JUP: variants seen among roughly 807,000 people sequenced by gnomAD.
JUP encodes the protein catenin (cadherin-associated protein), gamma 80kDa.
JUP carries 28 observed loss-of-function variants against 71.1 expected under a neutral mutation model. The ratio of observed to expected loss-of-function variants is 0.39; its 90% CI spans 0.29 to 0.54. The LOEUF (loss-of-function observed/expected upper bound fraction) is 0.54, where lower values mean the gene tolerates loss of function less well. Ranked by LOEUF, JUP falls within the 20% of genes least tolerant of loss-of-function variation. The probability of loss-of-function intolerance (pLI) is 0.62; values close to 1 mark genes in which losing one functional copy is unlikely to be tolerated. For synonymous variants in JUP, 401 were observed against 438.9 expected (o/e 0.91, Z 1.08); for missense variants, 869 against 1,030.1 (o/e 0.84, Z 2.14).
rs1454538099 is a variant in JUP at position 41,759,011 on chromosome 17, AAGG to A, written c.1498-144_1498-142del. 6.0e-6 allele frequency: 5 copies of A among 826,474 alleles called. No individual in the cohort carries two copies. In the East Asian group the frequency reaches 8.1e-5, roughly 13 times the overall value. The allele number at this position is 826,474 out of a possible 1,614,324, so 51.2% of individuals were successfully genotyped here. A position where few individuals can be genotyped will look rare whatever the true frequency, so the allele number is the denominator to read the frequency against. On this transcript the variant is annotated intron_variant, in intron 8 of 13. Coordinates refer to ENST00000393931, the MANE Select transcript of JUP (RefSeq NM_002230.4). ...CAGACATACTGGAAAATATCCAGAG[AAGG>A]AGACCATCCCAGCCATGTCACTTAA...
rs2046993669 is a variant in JUP at position 41,778,541 on chromosome 17, C to T, written c.-8-6679G>A. On this transcript the variant is annotated intron_variant, in intron 1 of 13. Transcript: ENST00000393931. ...GAGATCTGCACTCCAGCCTGGGCAA[C>T]ACAGTGAGACCCCATCTCAAAAAAA... 3.5e-5 allele frequency among the ~76,000 whole-genome samples: 5 copies of T among 142,884 alleles called. No homozygotes were observed. The South Asian group carries it at 9.3e-4, about 27-fold the overall frequency. The allele number at this position is 142,884 out of a possible 152,430, so 93.7% of individuals were successfully genotyped here. A position where few individuals can be genotyped will look rare whatever the true frequency, so the allele number is the denominator to read the frequency against.
At position 41,754,616 on chromosome 17, in the gene JUP, G is replaced by A. The variant is rs1567796200; in HGVS notation, c.*1128C>T. The A allele has an allele frequency of 6.6e-6, 1 of 152,596 alleles. No homozygotes were observed. The highest frequency in any genetic ancestry group is 1.9e-4 in the East Asian group (1 of 5,194). 9.5% of individuals were successfully genotyped at this position (152,596 alleles called of 1,614,324 possible). A position where few individuals can be genotyped will look rare whatever the true frequency, so the allele number is the denominator to read the frequency against. The stretch of plus-strand genomic sequence containing the variant: ...CCTAAACAGCCTCCAACGCATCTGT[G>A]TTATTTTTATTTTCTTTGCTTTGGT... On this transcript the variant is annotated 3_prime_UTR_variant, in exon 14 of 14. Coordinates refer to ENST00000393931, the MANE Select transcript of JUP (RefSeq NM_002230.4).
chr17:41,763,370 G>A, intron 7 of JUP, 49 bp from the exon 8 acceptor site: 1 of 1,426,404 alleles, frequency 7.0e-7, no homozygotes, highest in South Asian at 1.2e-5. Flanking sequence ...CCAACTCCAG[G>A]GAGCCTTCTC....
chr17:41,769,358 A>G, intron 3 of JUP, 60 bp downstream of exon 3: 2 of 1,581,902 alleles, frequency 1.3e-6, no homozygotes, highest in Non-Finnish European at 1.7e-6. Flanking sequence ...CCCTCCCCTG[A>G]GGACATCTGC....
chr17:41,775,424 G>A (rs1285079317), intron 1 of JUP, among the ~76,000 whole-genome samples: 2 of 152,212 alleles, frequency 1.3e-5, no homozygotes, highest in Non-Finnish European at 2.9e-5. Context: ...CTGCCCAGGA[G>A]AACAAAGGAA....
chr17:41,768,420 G>A (rs1385892307), intron 4 of JUP, among the ~76,000 whole-genome samples: 1 of 151,114 alleles, frequency 6.6e-6, no homozygotes, highest in African/African-American at 2.4e-5. Flanking sequence ...AAAATAGCTA[G>A]GTATGGTGGC....
intron 1 of JUP, among the ~76,000 whole-genome samples, chr17:41,784,237 A>C (rs548048913): frequency 2.7e-5 from 4 of 149,598 alleles, no homozygotes; most frequent in Non-Finnish European, 5.9e-5. Flanking sequence ...TATGCACTGC[A>C]TTCTCAAAGC....
In JUP at chr17:41,758,317, G is replaced by A. The variant is rs1914210409; in HGVS notation, c.1773+82C>T. Reference sequence around the variant, plus strand: ...CAAAGACCTCTTGATACCTGGTCCAGGCCTCCCAAATCTGGGACTCCTAAC... The same window carrying A: ...CAAAGACCTCTTGATACCTGGTCCAAGCCTCCCAAATCTGGGACTCCTAAC... On this transcript the variant is annotated intron_variant, in intron 10 of 13. Coordinates refer to ENST00000393931, the MANE Select transcript of JUP (RefSeq NM_002230.4). 6 of 1,585,214 alleles carry A rather than the reference G, an allele frequency of 3.8e-6. No individual in the cohort carries two copies. The Admixed American group carries it at 8.4e-5, about 22-fold the overall frequency.
At chr17:41,785,269 A>G (rs1555611469) in intron 1 of JUP, 2 of 151,656 alleles carry the variant, frequency 1.3e-5, no homozygotes, top group Non-Finnish European at 2.9e-5. Context: ...CAAAAAAAAA[A>G]AGACAAGAAC....
intron 1 of JUP, among the ~76,000 whole-genome samples, chr17:41,784,577 A>C (rs1313913166): frequency 6.6e-6 from 1 of 152,174 alleles, no homozygotes; most frequent in Non-Finnish European, 1.5e-5. Context: ...GAGGGAAAGC[A>C]GGTTATTTTT....
rs397517300 is a variant in JUP, at chr17:41,769,535, G to T, written c.351C>A (p.Ala117=). Reference sequence around the variant, plus strand: ...CCGACTTGAGCAGCTGGGACGGCTCGGCCAGTCGCTGCAGGTTGGTGGCCT... The same window carrying T: ...CCGACTTGAGCAGCTGGGACGGCTCTGCCAGTCGCTGCAGGTTGGTGGCCT... ...EGQATNLQRL[A]EPSQLLKSAI... The change falls in exon 3 of 14, where the codon GCC becomes GCA. Residue 117 remains alanine (A), a synonymous_variant. Transcript: ENST00000393931. 6.2e-7 allele frequency: 1 copy of T among 1,610,314 alleles called. No individual in the cohort carries two copies. Among genetic ancestry groups the T allele is most frequent in the Non-Finnish European group, 8.5e-7 (1 of 1,178,950 alleles).
chr17:41,772,182 T>G (rs1916766701), intron 1 of JUP: 40 of 449,252 alleles, frequency 8.9e-5, no homozygotes, highest in South Asian at 8.0e-4. Flanking sequence ...CAGAAGCCCC[T>G]GCTCACGCAC....
rs1453378635 is a variant in JUP at position 41,755,125 on chromosome 17, C to T, written c.*619G>A. ...CCCAGAGAAGGAACCAAAGCCCTTC[C>T]GGGCCCAGGCAGCTGGAGACAGGGA... On this transcript the variant is annotated 3_prime_UTR_variant, in exon 14 of 14. Transcript: ENST00000393931. The T allele has an allele frequency of 1.3e-5, 5 of 397,284 alleles. No homozygotes were observed. Among genetic ancestry groups the T allele is most frequent in the East Asian group, 3.6e-5 (1 of 28,002 alleles). The allele number at this position is 397,284 out of a possible 1,614,324, so 24.6% of individuals were successfully genotyped here.
At position 41,754,879 on chromosome 17, in the gene JUP, GGAGT is replaced by G. The variant is rs1302970305; in HGVS notation, c.*861_*864del. 1.3e-5 allele frequency: 2 copies of G among 155,594 alleles called. No individual in the cohort carries two copies. The highest frequency in any genetic ancestry group is 4.8e-5 in the African/African-American group (2 of 41,530). 9.6% of individuals were successfully genotyped at this position (155,594 alleles called of 1,614,324 possible). On this transcript the variant is annotated 3_prime_UTR_variant, in exon 14 of 14. Transcript: ENST00000393931. Reference sequence around the variant, plus strand: ...GGAAGCTGTCCCCAGAGCTCCCTGGGGAGTGAGGGGTGGGCAAAGCCAACTAAGC... The same window carrying G: ...GGAAGCTGTCCCCAGAGCTCCCTGGGGAGGGGTGGGCAAAGCCAACTAAGC...
chr17:41,764,851 G>GA (rs1236441737), intron 6 of JUP, 35 bp from the exon 7 acceptor site: 2 of 1,611,234 alleles, frequency 1.2e-6, no homozygotes, highest in Non-Finnish European at 1.7e-6. Flanking sequence ...CAGCCACGGG[G>GA]AGCATGGCTG....
intron 8 of JUP, among the ~76,000 whole-genome samples, chr17:41,760,533 C>T (rs1914645014): frequency 6.6e-6 from 1 of 151,980 alleles, no homozygotes; most frequent in Non-Finnish European, 1.5e-5. Context: ...GCTAGGATTA[C>T]AGGCGTGAGC....
At chr17:41,779,346 T>C (rs1485728086) in intron 1 of JUP, among the ~76,000 whole-genome samples, 1 of 147,538 alleles carries the variant, frequency 6.8e-6, no homozygotes, top group Non-Finnish European at 1.5e-5. Context: ...TTTTTTTTTT[T>C]TTTTTTTTGA....
chr17:41,777,422 A>C (rs541369825), intron 1 of JUP, among the ~76,000 whole-genome samples: 1 of 152,336 alleles, frequency 6.6e-6, no homozygotes, highest in East Asian at 1.9e-4. Context: ...GACTCTAGAA[A>C]GTCCAGAGAG....
intron 7 of JUP, among the ~76,000 whole-genome samples, chr17:41,763,718 G>A (rs1484505476): frequency 6.6e-6 from 1 of 152,116 alleles, no homozygotes; most frequent in African/African-American, 2.4e-5. Context: ...TGAGGGGGCC[G>A]CATGATTCAG....
Sources: allele counts gnomAD v4.1 joint callset (sites outside exome capture counted in the v4.1 genomes callset), GRCh38; gene constraint gnomAD v4.1.1; transcripts MANE v1.5; gene names NCBI Gene and HGNC (gene_info 2026-07-23, HGNC 2026-07-21).